KATNAL2: variants seen among roughly 807,000 people sequenced by gnomAD.
KATNAL2 encodes the protein katanin p60 ATPase-containing subunit A-like 2.
Under a neutral mutation model 76.3 loss-of-function variants are expected in KATNAL2, and 52 were observed. That is an observed-to-expected ratio of 0.68 (90% CI 0.55 to 0.86). KATNAL2 has a LOEUF of 0.86. Among genes scored for constraint, KATNAL2 ranks in the 40% least tolerant of loss-of-function variants. KATNAL2 has a pLI of 0.00. For synonymous variants in KATNAL2, 243 were observed against 244.2 expected (o/e 1.00, Z 0.05); for missense variants, 660 against 668.9 (o/e 0.99, Z 0.15).
At chr18:47,071,456 C>T (rs572492348) in intron 13 of KATNAL2, among the ~76,000 whole-genome samples, 11 of 152,150 alleles carry the variant, frequency 7.2e-5, no homozygotes, top group African/African-American at 1.7e-4. Flanking sequence ...TGCCTAGAGA[C>T]GACTGTAGCT....
chr18:46,940,499 A>G (rs1163818718), intron 1 of KATNAL2, among the ~76,000 whole-genome samples: 1 of 152,224 alleles, frequency 6.6e-6, no homozygotes, highest in African/African-American at 2.4e-5. Context: ...AGAAACATAG[A>G]AAAATGGAGT....
chr18:47,097,617 C>A (rs2063305274), intron 15 of KATNAL2, among the ~76,000 whole-genome samples: 1 of 152,162 alleles, frequency 6.6e-6, no homozygotes, highest in Non-Finnish European at 1.5e-5. Flanking sequence ...GGCAAGCAGG[C>A]TGGCCTAGAT....
At chr18:47,078,411 G>T (rs1185235475) in intron 15 of KATNAL2, among the ~76,000 whole-genome samples, 1 of 152,042 alleles carries the variant, frequency 6.6e-6, no homozygotes, top group Admixed American at 6.6e-5. Flanking sequence ...ACCTCCCCTT[G>T]AATCTAGAAT....
chr18:46,917,957 T>C (rs1599230232), intron 1 of KATNAL2, 31 bp downstream of exon 1: 1 of 152,132 alleles, frequency 6.6e-6, no homozygotes, highest in Admixed American at 6.6e-5. Context: ...AATGGTGAGG[T>C]TGTGTGACAC....
intron 6 of KATNAL2, among the ~76,000 whole-genome samples, chr18:47,055,272 C>T (rs2061440637): frequency 6.6e-6 from 1 of 152,168 alleles, no homozygotes; most frequent in African/African-American, 2.4e-5. Flanking sequence ...ACAGTAGGGC[C>T]TAAACCTCAT....
intron 4 of KATNAL2, among the ~76,000 whole-genome samples, chr18:47,050,601 A>G (rs2147084616): frequency 6.6e-6 from 1 of 152,358 alleles, no homozygotes; most frequent in Non-Finnish European, 1.5e-5. Context: ...TCGTGAATCA[A>G]TGAAAGTTCT....
chr18:47,075,396 G>A, intron 14 of KATNAL2, 28 bp downstream of exon 14: 1 of 1,440,954 alleles, frequency 6.9e-7, no homozygotes, highest in Non-Finnish European at 9.1e-7. Flanking sequence ...GGTTTTTGTT[G>A]TTGTTGTTTT....
chr18:47,065,897 T>G (rs1473149419), intron 10 of KATNAL2, among the ~76,000 whole-genome samples: 1 of 151,940 alleles, frequency 6.6e-6, no homozygotes, highest in Non-Finnish European at 1.5e-5. Flanking sequence ...CCCGGGAGGT[T>G]GAGGCTGCAG....
chr18:47,063,166 A>C lies in KATNAL2; in HGVS notation c.648+96A>C, dbSNP rs1031930102. ...TGAGTACAGTGAAACCTTGAGATCA[A>C]GTTAAAGGCCATAGCCACCTGCCAT... On this transcript the variant is annotated intron_variant, in intron 9 of 17. Coordinates refer to ENST00000683218, the MANE Select transcript of KATNAL2 (RefSeq NM_001387690.1). The C allele has an allele frequency of 9.0e-6, 13 of 1,439,748 alleles. No individual in the cohort carries two copies. In the Admixed American group the frequency reaches 1.9e-4, roughly 21 times the overall value. The allele number at this position is 1,439,748 out of a possible 1,614,324, so 89.2% of individuals were successfully genotyped here.
At chr18:47,062,911 G>A (rs886999424) in intron 8 of KATNAL2, 61 bp from the exon 9 acceptor site, 1 of 1,338,408 alleles carries the variant, frequency 7.5e-7, no homozygotes, top group Non-Finnish European at 1.1e-6. Flanking sequence ...ATGAAACTGA[G>A]TTATTAAGAA....
At chr18:47,033,622 C>A in intron 3 of KATNAL2, 5 of 1,614,210 alleles carry the variant, frequency 3.1e-6, no homozygotes, top group Non-Finnish European at 4.2e-6. Flanking sequence ...GGGGACCTCT[C>A]CCACGTCGCT....
At chr18:47,076,820 T>C (rs199935966) in intron 14 of KATNAL2, among the ~76,000 whole-genome samples, 5 of 142,924 alleles carry the variant, frequency 3.5e-5, no homozygotes, top group South Asian at 2.3e-4. Context: ...TATATACACA[T>C]ATATATATAG....
intron 1 of KATNAL2, among the ~76,000 whole-genome samples, chr18:46,923,054 A>AT (rs917403252): frequency 1.3e-4 from 19 of 145,500 alleles, no homozygotes; most frequent in African/African-American, 4.3e-4. Context: ...ATCTCAACTT[A>AT]TTTTTTTTTT....
At chr18:46,950,972 C>T (rs1212540967) in intron 3 of KATNAL2, among the ~76,000 whole-genome samples, 1 of 152,176 alleles carries the variant, frequency 6.6e-6, no homozygotes, top group Non-Finnish European at 1.5e-5. Flanking sequence ...GCGTGAGCCA[C>T]CGTGCCCGGC....
chr18:47,064,843 G>A (rs1236936209), intron 10 of KATNAL2, among the ~76,000 whole-genome samples: 1 of 152,122 alleles, frequency 6.6e-6, no homozygotes, highest in Admixed American at 6.5e-5. Flanking sequence ...AGGTAGTCCT[G>A]TTGAGTTCTG....
intron 6 of KATNAL2, among the ~76,000 whole-genome samples, chr18:47,055,946 A>C (rs2061459487): frequency 6.6e-6 from 1 of 152,238 alleles, no homozygotes; most frequent in South Asian, 2.1e-4. Flanking sequence ...AGGAGGAATA[A>C]CTAGGAAAGT....
intron 1 of KATNAL2, among the ~76,000 whole-genome samples, chr18:46,927,170 T>G (rs1250902856): frequency 6.6e-6 from 1 of 152,206 alleles, no homozygotes; most frequent in Non-Finnish European, 1.5e-5. Flanking sequence ...GTGCAGTTTC[T>G]TCTTAGCCTT....
chr18:47,095,556 T>C (rs965665906), intron 15 of KATNAL2, among the ~76,000 whole-genome samples: 4 of 152,244 alleles, frequency 2.6e-5, no homozygotes, highest in African/African-American at 9.6e-5. Context: ...ATTAAACCCC[T>C]TTCCTTTATA....
chr18:47,058,714 C>G (rs1203221219), intron 7 of KATNAL2, among the ~76,000 whole-genome samples: 1 of 152,200 alleles, frequency 6.6e-6, no homozygotes, highest in Non-Finnish European at 1.5e-5. Context: ...ACCAAGATGG[C>G]AGGTCTTCCC....
Sources: gnomAD v4.1 joint callset for allele counts (sites outside exome capture counted in the v4.1 genomes callset) on GRCh38, gnomAD v4.1.1 for gene constraint, MANE v1.5 for transcripts, NCBI Gene and HGNC (gene_info 2026-07-23, HGNC 2026-07-21) for gene names.